The following NRG3 variants were observed in gnomAD, a reference collection of about 807,000 sequenced individuals.
NRG3 encodes neuregulin 3.
A neutral mutation model predicts 66.9 loss-of-function variants in NRG3; 31 were observed. The observed-to-expected ratio is 0.46, with a 90% CI of 0.35 to 0.63. NRG3 has a LOEUF of 0.63. Among genes scored for constraint, NRG3 ranks in the 20% least tolerant of loss-of-function variants. NRG3 has a pLI of 0.00. For synonymous variants in NRG3, 393 were observed against 359.4 expected (o/e 1.09, Z -1.06); for missense variants, 910 against 878.9 (o/e 1.04, Z -0.45).
intron 2 of NRG3, among the ~76,000 whole-genome samples, chr10:82,613,025 T>A (rs561520723): frequency 1.3e-5 from 2 of 152,206 alleles, no homozygotes; most frequent in Admixed American, 6.5e-5. Context: ...GATGACAGAG[T>A]TGTAGTTAAT....
chr10:82,072,083 T>C (rs2064839567), intron 1 of NRG3, among the ~76,000 whole-genome samples: 1 of 152,186 alleles, frequency 6.6e-6, no homozygotes, highest in African/African-American at 2.4e-5. Context: ...TATGTGTGTG[T>C]GAATAAAGGA....
At chr10:82,037,069 G>C (rs1263661037) in intron 1 of NRG3, among the ~76,000 whole-genome samples, 1 of 152,112 alleles carries the variant, frequency 6.6e-6, no homozygotes, top group Non-Finnish European at 1.5e-5. Flanking sequence ...TGAATTCCAA[G>C]ATGACAGTGC....
intron 3 of NRG3, among the ~76,000 whole-genome samples, chr10:82,801,094 T>A (rs1013785723): frequency 4.6e-5 from 7 of 152,294 alleles, no homozygotes; most frequent in Admixed American, 4.6e-4. Context: ...TTCAAATGAC[T>A]GAGTCCTGGG....
At chr10:81,953,114 C>G (rs1422440670) in intron 1 of NRG3, among the ~76,000 whole-genome samples, 1 of 152,084 alleles carries the variant, frequency 6.6e-6, no homozygotes, top group Non-Finnish European at 1.5e-5. Context: ...GCCTGTACTG[C>G]CAGGTCATTT....
At chr10:82,562,810 C>A (rs1030477909) in intron 2 of NRG3, among the ~76,000 whole-genome samples, 2 of 147,234 alleles carry the variant, frequency 1.4e-5, no homozygotes, top group Non-Finnish European at 3.0e-5. Flanking sequence ...GCTGTAAGGG[C>A]AAGGGACACA....
At chr10:82,516,183 T>C (rs1845634783) in intron 2 of NRG3, among the ~76,000 whole-genome samples, 1 of 151,976 alleles carries the variant, frequency 6.6e-6, no homozygotes, top group Admixed American at 6.6e-5. Flanking sequence ...TGCATGCACC[T>C]GAGTTAGTGG....
Position 82,962,588 on chromosome 10 carries a change from C to A in NRG3, c.1284+3513C>A, listed in dbSNP as rs138512490. On this transcript the variant is annotated intron_variant, in intron 6 of 8. Coordinates refer to ENST00000372141, the MANE Select transcript of NRG3 (RefSeq NM_001010848.4). Reference sequence around the variant, plus strand: ...GCGCAGTGGCTCACGCCTGTAATCCCAGCACTTTGGGAGGCCAAAGCAGGT... The same window carrying A: ...GCGCAGTGGCTCACGCCTGTAATCCAAGCACTTTGGGAGGCCAAAGCAGGT... Among the ~76,000 whole-genome samples, 990 of 152,246 alleles carry A rather than the reference C, an allele frequency of 6.5e-3. 7 individuals carry two copies. The highest frequency in any genetic ancestry group is 0.021 in the African/African-American group (892 of 41,532).
At chr10:82,588,313 G>A (rs544964756) in intron 2 of NRG3, among the ~76,000 whole-genome samples, 1 of 152,254 alleles carries the variant, frequency 6.6e-6, no homozygotes, top group South Asian at 2.1e-4. Flanking sequence ...TAGTTCATGT[G>A]AAATCTGGTT....
chr10:82,891,007 T>C (rs1437445315), intron 4 of NRG3, among the ~76,000 whole-genome samples: 1 of 152,148 alleles, frequency 6.6e-6, no homozygotes, highest in African/African-American at 2.4e-5. Context: ...TAATTACTTA[T>C]ATAACATACA....
intron 3 of NRG3, among the ~76,000 whole-genome samples, chr10:82,846,185 T>C (rs925261504): frequency 6.6e-6 from 1 of 152,090 alleles, no homozygotes; most frequent in African/African-American, 2.4e-5. Context: ...ATACTCTGAA[T>C]GAATACTCTG....
chr10:82,429,321 G>C (rs2089648554), intron 2 of NRG3, among the ~76,000 whole-genome samples: 1 of 151,858 alleles, frequency 6.6e-6, no homozygotes, highest in African/African-American at 2.4e-5. Flanking sequence ...TTGTGGATTT[G>C]ACTTCCTGTC....
intron 1 of NRG3, among the ~76,000 whole-genome samples, chr10:81,940,070 T>C (rs149538039): frequency 1.3e-3 from 193 of 152,254 alleles, no homozygotes; most frequent in African/African-American, 4.6e-3. Flanking sequence ...TATTTGTGAA[T>C]TTTCCAGTTT....
intron 4 of NRG3, among the ~76,000 whole-genome samples, chr10:82,897,357 G>T (rs1843751934): frequency 6.6e-6 from 1 of 152,156 alleles, no homozygotes; most frequent in Non-Finnish European, 1.5e-5. Context: ...ATGTCCAGAT[G>T]AAAGGTAAAA....
chr10:82,479,176 G>T (rs1842025582), intron 2 of NRG3, among the ~76,000 whole-genome samples: 2 of 152,074 alleles, frequency 1.3e-5, no homozygotes, highest in African/African-American at 4.8e-5. Context: ...ACTGGTGCTG[G>T]CACTTAAGAG....
At chr10:82,862,344 G>T (rs1228226264) in intron 3 of NRG3, among the ~76,000 whole-genome samples, 1 of 152,168 alleles carries the variant, frequency 6.6e-6, no homozygotes, top group Admixed American at 6.5e-5. Context: ...GAGGGGCAGA[G>T]ACTCCTCCAG....
chr10:82,508,457 A>T (rs1844874712), intron 2 of NRG3, among the ~76,000 whole-genome samples: 1 of 152,330 alleles, frequency 6.6e-6, no homozygotes, highest in South Asian at 2.1e-4. Context: ...AAATTCTGAA[A>T]ATAGGCAACA....
chr10:82,762,598 C>T (rs1237888948), intron 3 of NRG3, among the ~76,000 whole-genome samples: 3 of 152,092 alleles, frequency 2.0e-5, no homozygotes, highest in Non-Finnish European at 2.9e-5. Context: ...TACATATATA[C>T]ATTTGCATGC....
At chr10:82,554,884 C>T (rs780067766) in intron 2 of NRG3, among the ~76,000 whole-genome samples, 2 of 152,106 alleles carry the variant, frequency 1.3e-5, no homozygotes, top group Non-Finnish European at 2.9e-5. Context: ...GTTATGAGGA[C>T]GGTTTGTATG....
intron 2 of NRG3, among the ~76,000 whole-genome samples, chr10:82,671,894 ATT>A (rs1395283459): frequency 6.6e-6 from 1 of 151,882 alleles, no homozygotes; most frequent in Non-Finnish European, 1.5e-5. Context: ...GTTTTGATTA[ATT>A]AAATGAGTGA....
Sources: gnomAD v4.1 joint callset for allele counts (sites outside exome capture counted in the v4.1 genomes callset) on GRCh38, gnomAD v4.1.1 for gene constraint, MANE v1.5 for transcripts, NCBI Gene and HGNC (gene_info 2026-07-23, HGNC 2026-07-21) for gene names.